Variants in DCHS1 observed in about 807,000 individuals in gnomAD.
The protein encoded by DCHS1 is dachsous cadherin-related 1, also known as protocadherin-16.
In DCHS1, 78 loss-of-function variants were observed where a neutral mutation model predicts 213.9. That is an observed-to-expected ratio of 0.36 (90% CI 0.30 to 0.44). DCHS1 has a LOEUF of 0.44. DCHS1 is among the 20% of genes least tolerant of loss of function. The probability of loss-of-function intolerance (pLI) is 1.00; values close to 1 mark genes in which losing one functional copy is unlikely to be tolerated. For synonymous variants in DCHS1, 1,828 were observed against 1,873.7 expected, an observed-to-expected ratio of 0.98 and a Z score of 0.63; for missense variants, 3,946 against 4,395.9, an observed-to-expected ratio of 0.90 and a Z score of 2.89.
Position 6,627,025 on chromosome 11 carries a change from C to A in DCHS1, c.6014G>T (p.Gly2005Val). 6.2e-7 allele frequency: 1 copy of A among 1,613,514 alleles called. No individual in the cohort carries two copies. The highest frequency in any genetic ancestry group is 8.5e-7 in the Non-Finnish European group (1 of 1,179,752). ...CACAGTAGTGCCAGGAGGTGGTGTG[C>A]CTGCCAGCCGGTACAGAATGGAAGC... is the stretch of plus-strand genomic sequence containing the variant. ...ANASILYRLA[G>V]TPPPGTTVDS... The change falls in exon 14 of 21, where the codon GGC becomes GTC. Residue 2005 changes from glycine to valine, a missense_variant. Gly to Val is a moderately radical substitution (Grantham distance 109). Coordinates refer to ENST00000299441, the MANE Select transcript of DCHS1 (RefSeq NM_003737.4). The surrounding 1 kb of genome is among the most constrained non-coding windows in gnomAD (Gnocchi z 5.4).
At position 6,626,782 on chromosome 11, in the gene DCHS1, G is replaced by A. The variant is rs1855811738; in HGVS notation, c.6250+7C>T. 6.2e-7 allele frequency: 1 copy of A among 1,609,884 alleles called. No homozygotes were observed. The highest frequency in any genetic ancestry group is 8.5e-7 in the Non-Finnish European group (1 of 1,178,194). On this transcript the variant is annotated splice_region_variant and intron_variant, in intron 14 of 20. Transcript: ENST00000299441. This position sits in a 1 kb window ranked among gnomAD's most constrained non-coding sequence, Gnocchi z 5.2. ...TCTGAATCTGGAAGAAATGGCTGGG[G>A]ACCCACCTGGGGGCGCATTCTCACG... is the stretch of plus-strand genomic sequence containing the variant.
At chr11:6,629,015 G>A (rs552867475) in intron 12 of DCHS1, among the ~76,000 whole-genome samples, 185 bp from the exon 13 acceptor site, 27 of 152,284 alleles carry the variant, frequency 1.8e-4, no homozygotes, top group African/African-American at 5.8e-4. Flanking sequence ...CCCATGCTTG[G>A]TGCATGCAAG....
In DCHS1 at chr11:6,630,642, G is replaced by A. The variant is rs1340554980; in HGVS notation, c.4152C>T (p.Ala1384=). 11 of 1,538,540 alleles carry A rather than the reference G, an allele frequency of 7.1e-6. No individual in the cohort carries two copies. The highest frequency in any genetic ancestry group is 9.6e-6 in the Non-Finnish European group (11 of 1,146,656). The part of the protein sequence containing the change: ...DPEGTFALDA[A]SGRLYLARPL... ...GCCGCGCCAGGTACAAGCGCCCTGA[G>A]GCCGCATCCAGCGCGAAGGTGCCCT... The change falls in exon 10 of 21, where the codon GCC becomes GCT. Residue 1384 remains alanine, a synonymous_variant. Coordinates refer to ENST00000299441, the MANE Select transcript of DCHS1 (RefSeq NM_003737.4).
chr11:6,644,031 T>C (rs1168192925), intron 1 of DCHS1, among the ~76,000 whole-genome samples: 3 of 152,170 alleles, frequency 2.0e-5, no homozygotes, highest in Non-Finnish European at 2.9e-5. Flanking sequence ...AGTCCGAACA[T>C]CTCTCCTTGT....
In DCHS1 at chr11:6,641,388, G is replaced by A. The variant is rs776054568; in HGVS notation, c.226C>T (p.Leu76Phe). Residue 76 changes from leucine (L) to phenylalanine (F), a missense_variant, in exon 2 of 21, where the codon CTC becomes TTC. Physicochemically the swap from Leu to Phe is conservative, Grantham distance 22 (BLOSUM62 0). This residue lies in a region of DCHS1 where 3,384 missense variants were observed against 3,780.1 expected (regional missense o/e 0.90). Transcript: ENST00000299441. The surrounding 1 kb of genome is among the most constrained non-coding windows in gnomAD (Gnocchi z 7.1). ...TCTTGGGCAGAGATGAAGTACATGAGAGGAGCTGCCGTGCCTGCCGGAAGC... is the reference window on the plus strand; with the variant it reads ...TCTTGGGCAGAGATGAAGTACATGAAAGGAGCTGCCGTGCCTGCCGGAAGC... ...AGLPAGTAAP[L>F]MYFISAQEGS... is the part of the protein sequence containing the mutation. The A allele has an allele frequency of 1.2e-6, 2 of 1,613,108 alleles. No individual in the cohort carries two copies. Among genetic ancestry groups the A allele is most frequent in the East Asian group, 2.2e-5 (1 of 44,890 alleles).
Position 6,632,179 on chromosome 11 carries a change from G to A in DCHS1, c.3333C>T (p.Phe1111=). 7 of 1,600,216 alleles carry A rather than the reference G, an allele frequency of 4.4e-6. No homozygotes were observed. The highest frequency in any genetic ancestry group is 6.0e-6 in the Non-Finnish European group (7 of 1,170,050). Residue 1111 remains phenylalanine (F), a synonymous_variant, in exon 6 of 21, where the codon TTC becomes TTT. Transcript: ENST00000299441. This position sits in a 1 kb window ranked among gnomAD's most constrained non-coding sequence, Gnocchi z 5.9. ...HSPRLSEDPT[F]LAVAENQPPG... Reference sequence around the variant, plus strand: ...GGGGCTGGTTCTCAGCCACAGCCAGGAAGGTGGGATCCTCAGACAAGCGGG... The same window carrying A: ...GGGGCTGGTTCTCAGCCACAGCCAGAAAGGTGGGATCCTCAGACAAGCGGG...
At chr11:6,638,106 G>GGGT (rs1856013656) in intron 2 of DCHS1, among the ~76,000 whole-genome samples, 1 of 152,194 alleles carries the variant, frequency 6.6e-6, no homozygotes, top group Non-Finnish European at 1.5e-5. Context: ...GTGGAAGAGT[G>GGGT]GGTGGTGGAG....
Position 6,622,624 on chromosome 11 carries a change from G to A in DCHS1, c.9052C>T (p.Pro3018Ser). ...PSYGGPGAGG[P>S]YPRGGSLDPS... Reference sequence around the variant, plus strand: ...TCCAAGGAGCCACCACGGGGGTAGGGTCCTCCAGCTCCTGGCCCACCATAG... The same window carrying A: ...TCCAAGGAGCCACCACGGGGGTAGGATCCTCCAGCTCCTGGCCCACCATAG... Residue 3018 changes from proline (P) to serine (S), a missense_variant, in exon 21 of 21, where the codon CCC becomes TCC. By Grantham distance (74) the Pro-to-Ser change is moderately conservative. Around this residue, in one of 3 missense-constraint regions of DCHS1, gnomAD observed 554 missense variants for 590.2 expected, o/e 0.94. Transcript: ENST00000299441. The surrounding 1 kb of genome is among the most constrained non-coding windows in gnomAD (Gnocchi z 5.4). 1 of 1,584,806 alleles carries A rather than the reference G, an allele frequency of 6.3e-7. No individual in the cohort carries two copies. The highest frequency in any genetic ancestry group is 1.2e-5 in the South Asian group (1 of 86,612).
Position 6,630,079 on chromosome 11 carries a change from G to T in DCHS1, c.4715C>A (p.Pro1572Gln). The T allele has an allele frequency of 6.3e-7, 1 of 1,586,872 alleles. No homozygotes were observed. The highest frequency in any genetic ancestry group is 8.6e-7 in the Non-Finnish European group (1 of 1,164,398). ...CACGCGTGCAGCCTCGCCCAGATCC[G>T]GGTCCCGGGCTACCACGTGCAGGGC... is the stretch of plus-strand genomic sequence containing the variant. Reference protein sequence around the residue: ...PAALHVVARDPDLGEAARVSY... With the variant: ...PAALHVVARDQDLGEAARVSY... The change falls in exon 10 of 21, where the codon CCG becomes CAG. Residue 1572 changes from proline (P) to glutamine (Q), a missense_variant. Coordinates refer to ENST00000299441, the MANE Select transcript of DCHS1 (RefSeq NM_003737.4).
rs1200090059 is a variant in DCHS1, at chr11:6,628,079, CTG to C, written c.5372-414_5372-413del. ...TAGACAGAAAGTTTAGAGCATGAATCTGTGTGTCTTCAGAGATTCAGTTTGTT... is the reference window on the plus strand; with the variant it reads ...TAGACAGAAAGTTTAGAGCATGAATCTGTGTCTTCAGAGATTCAGTTTGTT... On this transcript the variant is annotated intron_variant, in intron 13 of 20. Transcript: ENST00000299441. The surrounding 1 kb of genome is among the most constrained non-coding windows in gnomAD (Gnocchi z 4.3). Among the ~76,000 whole-genome samples, 1 of 152,228 alleles carries C rather than the reference CTG, an allele frequency of 6.6e-6. No homozygotes were observed. Among genetic ancestry groups the C allele is most frequent in the Non-Finnish European group, 1.5e-5 (1 of 68,040 alleles).
chr11:6,632,594 C>G lies in DCHS1; in HGVS notation c.2918G>C (p.Gly973Ala), dbSNP rs1196686568. ...GTGGCTGGTGCGTGGTGGGGAGCCC[C>G]CATCCCGGGCCTCCAGCTCCAGCTC... is the stretch of plus-strand genomic sequence containing the variant. Reference protein sequence around the residue: ...AHELELEARDGGSPPRTSHFR... With the variant: ...AHELELEARDAGSPPRTSHFR... Residue 973 changes from glycine (G) to alanine (A), a missense_variant, in exon 6 of 21, where the codon GGG (glycine) becomes GCG (alanine). Gly to Ala is a moderately conservative substitution (Grantham distance 60). This residue lies in a region of DCHS1 where 3,384 missense variants were observed against 3,780.1 expected (regional missense o/e 0.90). Coordinates refer to ENST00000299441, the MANE Select transcript of DCHS1 (RefSeq NM_003737.4). The surrounding 1 kb of genome is among the most constrained non-coding windows in gnomAD (Gnocchi z 5.9). The G allele has an allele frequency of 6.6e-7, 1 of 1,516,158 alleles. No individual in the cohort carries two copies. The highest frequency in any genetic ancestry group is 8.9e-7 in the Non-Finnish European group (1 of 1,128,124). 93.9% of individuals were successfully genotyped at this position (1,516,158 alleles called of 1,614,324 possible).
chr11:6,630,812 C>A lies in DCHS1; in HGVS notation c.3982G>T (p.Asp1328Tyr). 6.5e-7 allele frequency: 1 copy of A among 1,536,314 alleles called. No homozygotes were observed. ...AEPPPDLAER[D>Y]PAAPVPVVLT... ...ACGACAGGCACTGGTGCCGCTGGGT[C>A]CCGCTCTGCGAGATCTGGGGGCGGC... Residue 1328 changes from aspartate (D) to tyrosine (Y), a missense_variant, in exon 10 of 21, where the codon GAC becomes TAC. By Grantham distance (160) the Asp-to-Tyr change is radical (BLOSUM62 -3). Around this residue, in one of 3 missense-constraint regions of DCHS1, gnomAD observed 3,384 missense variants for 3,780.1 expected, o/e 0.90. Coordinates refer to ENST00000299441, the MANE Select transcript of DCHS1 (RefSeq NM_003737.4).
In DCHS1 at chr11:6,641,374, G is replaced by T; in HGVS notation, c.240C>A (p.Ile80=). 1 of 1,613,500 alleles carries T rather than the reference G, an allele frequency of 6.2e-7. No homozygotes were observed. Among genetic ancestry groups the T allele is most frequent in the Non-Finnish European group, 8.5e-7 (1 of 1,179,892 alleles). ...AGTAAPLMYF[I]SAQEGSGVGT... The stretch of plus-strand genomic sequence containing the variant: ...CCACGCCGCTGCCCTCTTGGGCAGA[G>T]ATGAAGTACATGAGAGGAGCTGCCG... The change falls in exon 2 of 21, where the codon ATC becomes ATA. Residue 80 remains isoleucine, a synonymous_variant. Coordinates refer to ENST00000299441, the MANE Select transcript of DCHS1 (RefSeq NM_003737.4). This position sits in a 1 kb window ranked among gnomAD's most constrained non-coding sequence, Gnocchi z 7.1.
chr11:6,622,167 C>G lies in DCHS1; in HGVS notation c.9509G>C (p.Cys3170Ser), dbSNP rs770139460. The change falls in exon 21 of 21, where the codon TGC becomes TCC. Residue 3170 changes from cysteine (C) to serine (S), a missense_variant. By Grantham distance (112) the Cys-to-Ser change is moderately radical (BLOSUM62 -1). Transcript: ENST00000299441. This position sits in a 1 kb window ranked among gnomAD's most constrained non-coding sequence, Gnocchi z 5.4. ...ACTGGCCAGTGGTTGGAACTGAGGG[C>G]ACCAGCTCAGCAGGTAGTCCCAGTT... The part of the protein sequence containing the change: ...SYNWDYLLSW[C>S]PQFQPLASVF... 1.9e-6 allele frequency: 3 copies of G among 1,610,750 alleles called. No homozygotes were observed. The African/African-American group carries it at 4.0e-5, about 22-fold the overall frequency.
At chr11:6,650,775 T>A (rs562890176) in intron 1 of DCHS1, among the ~76,000 whole-genome samples, 4 of 152,220 alleles carry the variant, frequency 2.6e-5, no homozygotes, top group Non-Finnish European at 5.9e-5. Context: ...AGAGCCCCAG[T>A]AGACACCTGG....
At position 6,640,978 on chromosome 11, in the gene DCHS1, T is replaced by C. The variant is rs769465968; in HGVS notation, c.636A>G (p.Glu212=). The change falls in exon 2 of 21, where the codon GAA becomes GAG. Residue 212 remains glutamate (E), a synonymous_variant. Coordinates refer to ENST00000299441, the MANE Select transcript of DCHS1 (RefSeq NM_003737.4). The surrounding 1 kb of genome is among the most constrained non-coding windows in gnomAD (Gnocchi z 6.5). ...TPVPELVVTG[E]LDRENRSHYM... ...AGTGTGAGCGGTTCTCTCGGTCCAG[T>C]TCCCCAGTAACTACCAGCTCAGGTA... 6.2e-6 allele frequency: 10 copies of C among 1,614,042 alleles called. No individual in the cohort carries two copies. The South Asian group carries it at 9.9e-5, about 16-fold the overall frequency.
Position 6,639,937 on chromosome 11 carries a change from G to A in DCHS1, c.1677C>T (p.Ala559=), listed in dbSNP as rs766148464. Residue 559 remains alanine (A), a synonymous_variant, in exon 2 of 21, where the codon GCC becomes GCT. Coordinates refer to ENST00000299441, the MANE Select transcript of DCHS1 (RefSeq NM_003737.4). Reference sequence around the variant, plus strand: ...GGGCCACGCTAACTGTGGCAGAGGAGGCTAGAGGGGGCAGGCCACCATCTG... The same window carrying A: ...GGGCCACGCTAACTGTGGCAGAGGAAGCTAGAGGGGGCAGGCCACCATCTG... ...VATDGGLPPL[A]SSATVSVALQ... 2.5e-6 allele frequency: 4 copies of A among 1,614,054 alleles called. No individual in the cohort carries two copies. The highest frequency in any genetic ancestry group is 1.3e-5 in the African/African-American group (1 of 75,066).
In DCHS1 at chr11:6,622,415, G is replaced by A. The variant is rs1459381746; in HGVS notation, c.9261C>T (p.Asp3087=). The change falls in exon 21 of 21, where the codon GAC becomes GAT. Residue 3087 remains aspartate, a synonymous_variant. Coordinates refer to ENST00000299441, the MANE Select transcript of DCHS1 (RefSeq NM_003737.4). The surrounding 1 kb of genome is among the most constrained non-coding windows in gnomAD (Gnocchi z 5.4). ...CTGCCTTTCGGCCCTTATACCAGGT[G>A]TCAGGGGCAGGTGGTTCGCAGGATG... ...SDTSCEPPAP[D]TWYKGRKAGL... is the part of the protein sequence containing the mutation. 1.3e-6 allele frequency: 2 copies of A among 1,555,978 alleles called. No homozygotes were observed. Among genetic ancestry groups the A allele is most frequent in the East Asian group, 2.4e-5 (1 of 42,190 alleles).
chr11:6,646,871 C>T (rs1355795449), intron 1 of DCHS1, among the ~76,000 whole-genome samples: 1 of 152,092 alleles, frequency 6.6e-6, no homozygotes, highest in Non-Finnish European at 1.5e-5. Flanking sequence ...GTCTACAGGA[C>T]CTGGAAGCAG....
Sources: allele counts gnomAD v4.1 joint callset (sites outside exome capture counted in the v4.1 genomes callset), GRCh38; gene constraint gnomAD v4.1.1; regional missense constraint gnomAD v4.1.1; non-coding constraint Gnocchi (gnomAD v3.1); transcripts MANE v1.5; gene names NCBI Gene and HGNC (gene_info 2026-07-23, HGNC 2026-07-21).